Variants in NHEJ1 observed in about 807,000 individuals in gnomAD.
NHEJ1 encodes non-homologous end joining factor 1, also known as non-homologous end-joining factor 1.
NHEJ1 carries 22 observed loss-of-function variants against 39.4 expected under a neutral mutation model. The observed-to-expected ratio is 0.56, with a 90% confidence interval of 0.40 to 0.80. The LOEUF is 0.80. Among genes scored for constraint, NHEJ1 ranks in the 30% least tolerant of loss-of-function variants. The pLI is 0.00. For missense variants in NHEJ1, 329 were observed against 357.1 expected (o/e 0.92, Z 0.63); for synonymous variants, 154 against 135.6 (o/e 1.14, Z -0.94).
intron 5 of NHEJ1, among the ~76,000 whole-genome samples, chr2:219,131,256 A>G (rs534518430): frequency 1.3e-5 from 2 of 152,334 alleles, no homozygotes; most frequent in East Asian, 3.8e-4. Flanking sequence ...GGGACTCTAT[A>G]CATTGCGGGG....
At chr2:219,153,697 G>GT (rs1375597999) in intron 3 of NHEJ1, among the ~76,000 whole-genome samples, 2 of 129,368 alleles carry the variant, frequency 1.5e-5, no homozygotes, top group South Asian at 5.8e-4. Context: ...AGAAAAGGGG[G>GT]GGGGGGTGGA....
rs57669468 is a variant in NHEJ1, at chr2:219,089,565, C to G, written c.589-11359G>C. On this transcript the variant is annotated intron_variant, in intron 5 of 7. Coordinates refer to ENST00000356853, the MANE Select transcript of NHEJ1 (RefSeq NM_024782.3). ...CCATAAAGACAGAGAGTAGTGATTT[C>G]CAGGGGATAGGAGACAGGGTGAATG... Among the ~76,000 whole-genome samples the G allele has an allele frequency of 3.2e-3, 484 of 152,202 alleles. 4 individuals are homozygous for G. Among genetic ancestry groups the G allele is most frequent in the African/African-American group, 0.01 (436 of 41,534 alleles).
chr2:219,088,636 C>T (rs969515692), intron 5 of NHEJ1, among the ~76,000 whole-genome samples: 5 of 152,004 alleles, frequency 3.3e-5, no homozygotes, highest in South Asian at 2.1e-4. Context: ...AGTGGTGTTA[C>T]CCTTTGGAGG....
intron 5 of NHEJ1, among the ~76,000 whole-genome samples, chr2:219,082,501 C>T (rs1949076302): frequency 6.6e-6 from 1 of 152,188 alleles, no homozygotes; most frequent in Non-Finnish European, 1.5e-5. Flanking sequence ...CTCCTCCCTG[C>T]CTCACCCCTC....
intron 5 of NHEJ1, among the ~76,000 whole-genome samples, chr2:219,144,545 C>T (rs2106360077): frequency 6.6e-6 from 1 of 152,078 alleles, no homozygotes; most frequent in South Asian, 2.1e-4. Context: ...TAGAAGTTTG[C>T]AAGTTAGATA....
chr2:219,110,520 C>CAA (rs764285552), intron 5 of NHEJ1, among the ~76,000 whole-genome samples: 3 of 69,648 alleles, frequency 4.3e-5, no homozygotes, highest in African/African-American at 1.1e-4. Flanking sequence ...GAGATGCTGC[C>CAA]AAAAAAAAAA....
At chr2:219,158,415 G>A in intron 1 of NHEJ1, 53 bp from the exon 2 acceptor site, 1 of 1,569,072 alleles carries the variant, frequency 6.4e-7, no homozygotes, top group Non-Finnish European at 8.7e-7. Flanking sequence ...CTGGCCTAGG[G>A]AGGGCACCAC....
chr2:219,143,130 C>T (rs73991393), intron 5 of NHEJ1, among the ~76,000 whole-genome samples: 2,925 of 152,230 alleles, frequency 0.019, 99 homozygotes, highest in African/African-American at 0.066. Context: ...CCTCTGACAC[C>T]AGCCCTGGCC....
chr2:219,158,738 C>T (rs1159983779), intron 1 of NHEJ1: 1 of 282,288 alleles, frequency 3.5e-6, no homozygotes, highest in Non-Finnish European at 6.9e-6. Context: ...ATAAATATGT[C>T]ACTCCTATCC....
At chr2:219,096,995 T>C (rs1033864688) in intron 5 of NHEJ1, among the ~76,000 whole-genome samples, 5 of 152,322 alleles carry the variant, frequency 3.3e-5, no homozygotes, top group South Asian at 2.1e-4. Context: ...AGACAGTTCC[T>C]GGCTTATGAT....
chr2:219,103,173 G>GAA (rs201837950), intron 5 of NHEJ1, among the ~76,000 whole-genome samples: 5 of 134,384 alleles, frequency 3.7e-5, no homozygotes, highest in Non-Finnish European at 4.9e-5. Context: ...GCAAAAACGG[G>GAA]AAAAAAAAAA....
intron 5 of NHEJ1, among the ~76,000 whole-genome samples, chr2:219,122,788 T>C (rs568008061): frequency 6.6e-6 from 1 of 152,236 alleles, no homozygotes; most frequent in South Asian, 2.1e-4. Flanking sequence ...GCCTCTGCGG[T>C]CACATGAATA....
At chr2:219,131,268 T>A (rs1949576348) in intron 5 of NHEJ1, among the ~76,000 whole-genome samples, 1 of 152,058 alleles carries the variant, frequency 6.6e-6, no homozygotes. Flanking sequence ...ATTGCGGGGG[T>A]CACCAAAGGT....
intron 1 of NHEJ1, among the ~76,000 whole-genome samples, chr2:219,159,568 T>TAC (rs1559206308): frequency 6.9e-5 from 1 of 14,490 alleles, no homozygotes; most frequent in Non-Finnish European, 5.8e-4. Flanking sequence ...TATATGCATA[T>TAC]ATATATGCAT....
At chr2:219,108,571 C>T (rs770091782) in intron 5 of NHEJ1, among the ~76,000 whole-genome samples, 4 of 152,192 alleles carry the variant, frequency 2.6e-5, no homozygotes, top group Non-Finnish European at 5.9e-5. Context: ...CAGAACTAAA[C>T]TTCTAAAAAT....
At chr2:219,118,528 G>A (rs1168517262) in intron 5 of NHEJ1, among the ~76,000 whole-genome samples, 1 of 152,080 alleles carries the variant, frequency 6.6e-6, no homozygotes, top group East Asian at 1.9e-4. Context: ...TGATTCAGGG[G>A]GCCAGACTGA....
At chr2:219,126,961 G>A (rs1949531267) in intron 5 of NHEJ1, among the ~76,000 whole-genome samples, 1 of 135,696 alleles carries the variant, frequency 7.4e-6, no homozygotes, top group African/African-American at 2.8e-5. Context: ...GAAGCAAGGT[G>A]GAGAGTATGG....
At chr2:219,110,495 T>C (rs1429548054) in intron 5 of NHEJ1, among the ~76,000 whole-genome samples, 2 of 150,680 alleles carry the variant, frequency 1.3e-5, no homozygotes, top group African/African-American at 4.9e-5. Context: ...TGCACTCCAG[T>C]CTGGGCAACA....
rs781232983 is a variant in NHEJ1, at chr2:219,147,740, T to A, written c.446A>T (p.Gln149Leu). The change falls in exon 4 of 8, where the codon CAA becomes CTA. Residue 149 changes from glutamine to leucine, a missense_variant. Coordinates refer to ENST00000356853, the MANE Select transcript of NHEJ1 (RefSeq NM_024782.3). ...LMGMSLALQC[Q>L]VRELATLLHM... The stretch of plus-strand genomic sequence containing the variant: ...AAGTAACGTTGCTAGCTCCCTCACT[T>A]GGCACTGTAATGCCAGACTCATGCC... 1.2e-6 allele frequency: 2 copies of A among 1,614,224 alleles called. No homozygotes were observed. Among genetic ancestry groups the A allele is most frequent in the Non-Finnish European group, 1.7e-6 (2 of 1,180,018 alleles).
Sources: allele counts gnomAD v4.1 joint callset (sites outside exome capture counted in the v4.1 genomes callset), GRCh38; gene constraint gnomAD v4.1.1; transcripts MANE v1.5; gene names NCBI Gene and HGNC (gene_info 2026-07-23, HGNC 2026-07-21).